Variants in SRGAP1 observed in about 807,000 individuals in gnomAD.
The protein encoded by SRGAP1 is SLIT-ROBO Rho GTPase activating protein 1.
A neutral mutation model predicts 121.9 loss-of-function variants in SRGAP1; 43 were observed. That is an observed-to-expected ratio of 0.35 (90% CI 0.28 to 0.46). The LOEUF (loss-of-function observed/expected upper bound fraction) is 0.46. SRGAP1 is among the 20% of genes least tolerant of loss of function. The probability of loss-of-function intolerance (pLI) is 1.00; values close to 1 mark genes in which losing one functional copy is unlikely to be tolerated. For synonymous variants in SRGAP1, 447 were observed against 485.4 expected (o/e 0.92, Z 1.04); for missense variants, 1,102 against 1,350.9 (o/e 0.82, Z 2.89).
intron 1 of SRGAP1, among the ~76,000 whole-genome samples, chr12:63,919,141 C>T (rs1424030903): frequency 6.6e-6 from 1 of 152,090 alleles, no homozygotes; most frequent in Admixed American, 6.5e-5. Flanking sequence ...CAACCTCCGC[C>T]TCACGGATTG....
At chr12:64,111,198 A>G (rs1292964528) in intron 16 of SRGAP1, among the ~76,000 whole-genome samples, 1 of 152,172 alleles carries the variant, frequency 6.6e-6, no homozygotes, top group Non-Finnish European at 1.5e-5. Context: ...TTGTATTTAT[A>G]ATGGCTTTTG....
intron 1 of SRGAP1, among the ~76,000 whole-genome samples, chr12:63,846,439 TA>T (rs1898904841): frequency 6.6e-6 from 1 of 152,216 alleles, no homozygotes; most frequent in Admixed American, 6.5e-5. Flanking sequence ...TTCTGCCGCC[TA>T]GAGCACTAAT....
chr12:63,958,337 G>A (rs769037034), intron 1 of SRGAP1, among the ~76,000 whole-genome samples: 1 of 152,040 alleles, frequency 6.6e-6, no homozygotes, highest in Non-Finnish European at 1.5e-5. Context: ...GGGATGGTTC[G>A]GTTTACTCCC....
At chr12:63,956,433 A>G (rs967696991) in intron 1 of SRGAP1, among the ~76,000 whole-genome samples, 1 of 152,216 alleles carries the variant, frequency 6.6e-6, no homozygotes, top group Non-Finnish European at 1.5e-5. Flanking sequence ...GCATATTTTC[A>G]AAGTTGCAGA....
At chr12:63,958,595 T>G (rs928801339) in intron 1 of SRGAP1, among the ~76,000 whole-genome samples, 1 of 152,180 alleles carries the variant, frequency 6.6e-6, no homozygotes, top group Non-Finnish European at 1.5e-5. Flanking sequence ...GTGTGGACAG[T>G]GAAGATTATC....
At chr12:63,916,160 G>A (rs1197675536) in intron 1 of SRGAP1, among the ~76,000 whole-genome samples, 2 of 151,154 alleles carry the variant, frequency 1.3e-5, no homozygotes, top group East Asian at 3.9e-4. Flanking sequence ...ACCCTCTCGA[G>A]TAGCTGGGAC....
intron 1 of SRGAP1, among the ~76,000 whole-genome samples, chr12:63,855,474 T>TTG: frequency 5.1e-5 from 1 of 19,616 alleles, no homozygotes; most frequent in African/African-American, 2.9e-4. Context: ...AAAAATGGTG[T>TTG]TTTTTTTTTT....
At chr12:64,003,593 C>A (rs554446135) in intron 3 of SRGAP1, among the ~76,000 whole-genome samples, 11 of 148,232 alleles carry the variant, frequency 7.4e-5, no homozygotes, top group African/African-American at 2.7e-4. Context: ...ATGGAGCTAA[C>A]AGAGGGAAGA....
intron 1 of SRGAP1, among the ~76,000 whole-genome samples, chr12:63,930,983 A>G (rs986197612): frequency 2.6e-5 from 4 of 152,168 alleles, no homozygotes; most frequent in African/African-American, 9.7e-5. Context: ...TAATTCTAAT[A>G]GCTTAATCTC....
At chr12:63,847,800 TG>T (rs944321421) in intron 1 of SRGAP1, among the ~76,000 whole-genome samples, 2 of 151,972 alleles carry the variant, frequency 1.3e-5, no homozygotes, top group Non-Finnish European at 2.9e-5. Flanking sequence ...GACTTAGGTG[TG>T]TGGGTGATTT....
At chr12:64,127,781 G>A (rs1400305651) in intron 20 of SRGAP1, 57 bp downstream of exon 20, 40 of 1,604,068 alleles carry the variant, frequency 2.5e-5, no homozygotes, top group Non-Finnish European at 3.3e-5. Context: ...GGGCCATGAG[G>A]AGCCACTGCA....
At chr12:63,869,564 A>T (rs1435275922) in intron 1 of SRGAP1, among the ~76,000 whole-genome samples, 1 of 152,158 alleles carries the variant, frequency 6.6e-6, no homozygotes, top group South Asian at 2.1e-4. Context: ...TCAGCACCTT[A>T]TTCTCACAAG....
At position 64,127,711 on chromosome 12, in the gene SRGAP1, G is replaced by T. The variant is rs372970728; in HGVS notation, c.2527G>T (p.Gly843Cys). The T allele has an allele frequency of 1.9e-6, 3 of 1,614,048 alleles. No homozygotes were observed. Among genetic ancestry groups the T allele is most frequent in the Non-Finnish European group, 2.5e-6 (3 of 1,179,984 alleles). Residue 843 changes from glycine to cysteine, a missense_variant, in exon 20 of 22, where the codon GGC becomes TGC. By Grantham distance (159) the Gly-to-Cys change is radical (BLOSUM62 -3). Transcript: ENST00000355086. ...CTCCCCGACAGACCGTCATCCTGAC[G>T]GCTATTTAGCCAGGTAAGTAGAGCC... is the stretch of plus-strand genomic sequence containing the variant. ...MNSPTDRHPD[G>C]YLARQRKRGE... is the part of the protein sequence containing the mutation.
At chr12:64,106,127 C>A (rs1181575905) in intron 15 of SRGAP1, among the ~76,000 whole-genome samples, 1 of 152,176 alleles carries the variant, frequency 6.6e-6, no homozygotes, top group Admixed American at 6.5e-5. Flanking sequence ...TCAAGCAATT[C>A]TCTTACCTTA....
intron 1 of SRGAP1, among the ~76,000 whole-genome samples, chr12:63,865,816 G>C (rs1899610107): frequency 6.6e-6 from 1 of 152,162 alleles, no homozygotes; most frequent in Admixed American, 6.5e-5. Flanking sequence ...TAATGGGTTT[G>C]CTGGGATTCA....
intron 1 of SRGAP1, among the ~76,000 whole-genome samples, chr12:63,980,674 A>T (rs1028304698): frequency 1.3e-5 from 2 of 151,708 alleles, no homozygotes; most frequent in African/African-American, 4.8e-5. Context: ...GCTCACTGCA[A>T]CCTGCATCTG....
intron 3 of SRGAP1, 66 bp from the exon 4 acceptor site, chr12:64,016,884 T>A: frequency 1.1e-6 from 1 of 879,366 alleles, no homozygotes; most frequent in Non-Finnish European, 1.7e-6. Flanking sequence ...TTCCTCTATT[T>A]TCAGTTAGTG....
intron 1 of SRGAP1, among the ~76,000 whole-genome samples, chr12:63,899,841 T>A (rs1900877185): frequency 6.6e-6 from 1 of 152,234 alleles, no homozygotes; most frequent in Non-Finnish European, 1.5e-5. Flanking sequence ...TGTTTGTAAG[T>A]TTAAATAGAA....
chr12:63,930,871 A>G (rs2031453326), intron 1 of SRGAP1, among the ~76,000 whole-genome samples: 1 of 152,226 alleles, frequency 6.6e-6, no homozygotes, highest in South Asian at 2.1e-4. Context: ...ATATGGCCAG[A>G]TGAGTTTCCC....
Sources: gnomAD v4.1 joint callset for allele counts (sites outside exome capture counted in the v4.1 genomes callset) on GRCh38, gnomAD v4.1.1 for gene constraint, MANE v1.5 for transcripts, NCBI Gene and HGNC (gene_info 2026-07-23, HGNC 2026-07-21) for gene names.